Variants in GHR observed in about 807,000 individuals in gnomAD.
GHR encodes GH receptor.
Under a neutral mutation model 67.1 loss-of-function variants are expected in GHR, and 35 were observed. That is an observed-to-expected ratio of 0.52 (90% CI 0.40 to 0.69). GHR has a LOEUF of 0.69. GHR is among the 30% of genes least tolerant of loss of function. The probability of loss-of-function intolerance (pLI) is 0.00; values close to 1 mark genes in which losing one functional copy is unlikely to be tolerated. For missense variants in GHR, 792 were observed against 764.6 expected, an observed-to-expected ratio of 1.04 and a Z score of -0.42; for synonymous variants, 272 against 269.1, an observed-to-expected ratio of 1.01 and a Z score of -0.10.
chr5:42,675,235 A>G (rs1421305046), intron 3 of GHR, among the ~76,000 whole-genome samples: 1 of 152,196 alleles, frequency 6.6e-6, no homozygotes, highest in Non-Finnish European at 1.5e-5. Flanking sequence ...GTAGTAAGTT[A>G]TAGGTCTTTG....
Position 42,455,915 on chromosome 5 carries a change from A to C in GHR, c.-12+31960A>C, listed in dbSNP as rs138847773. Reference sequence around the variant, plus strand: ...TCTCCCGCTGGCTATAGGTTGCTTTAATCTCTGAGCTGCAGTTTCCTCATC... The same window carrying C: ...TCTCCCGCTGGCTATAGGTTGCTTTCATCTCTGAGCTGCAGTTTCCTCATC... On this transcript the variant is annotated intron_variant, in intron 1 of 9. Transcript: ENST00000230882. Among the ~76,000 whole-genome samples the C allele has an allele frequency of 1.9e-3, 290 of 152,352 alleles. 1 individual carries two copies. Among genetic ancestry groups the C allele is most frequent in the African/African-American group, 6.3e-3 (262 of 41,584 alleles).
At chr5:42,534,428 A>G (rs1748154658) in intron 1 of GHR, among the ~76,000 whole-genome samples, 1 of 146,104 alleles carries the variant, frequency 6.8e-6, no homozygotes. Context: ...GTATGTATAT[A>G]TGTACATGTG....
chr5:42,466,822 G>C, intron 1 of GHR: 1 of 1,138,234 alleles, frequency 8.8e-7, no homozygotes, highest in Admixed American at 2.7e-5. Flanking sequence ...AAACAGCAAA[G>C]AGGTGTCTCA....
rs1212855377 is a variant in GHR, at chr5:42,487,466, T to G, written c.-12+63511T>G. On this transcript the variant is annotated intron_variant, in intron 1 of 9. Transcript: ENST00000230882. ...CCAAATTTGCTAATAAAGATTATAC[T>G]TAGCTGTCACTCCACGTTTCATCAG... Among the ~76,000 whole-genome samples the G allele has an allele frequency of 2.6e-5, 4 of 152,204 alleles. No individual in the cohort carries two copies. In the East Asian group the frequency reaches 7.7e-4, roughly 29 times the overall value.
At chr5:42,659,814 A>C (rs1755474148) in intron 3 of GHR, among the ~76,000 whole-genome samples, 1 of 152,076 alleles carries the variant, frequency 6.6e-6, no homozygotes, top group Non-Finnish European at 1.5e-5. Flanking sequence ...GCATTGCCTC[A>C]CTCAGGAAGC....
At chr5:42,592,200 G>T (rs147748917) in intron 2 of GHR, among the ~76,000 whole-genome samples, 1 of 152,160 alleles carries the variant, frequency 6.6e-6, no homozygotes, top group Non-Finnish European at 1.5e-5. Flanking sequence ...TGCCGAGCAG[G>T]TGCTTGCAAG....
At chr5:42,473,888 A>G (rs1368066071) in intron 1 of GHR, among the ~76,000 whole-genome samples, 2 of 150,598 alleles carry the variant, frequency 1.3e-5, no homozygotes, top group Admixed American at 1.3e-4. Context: ...AAAAAAAAAA[A>G]AAGAAAAGTG....
chr5:42,676,453 A>G (rs894007724), intron 3 of GHR, among the ~76,000 whole-genome samples: 25 of 152,162 alleles, frequency 1.6e-4, no homozygotes, highest in African/African-American at 6.0e-4. Context: ...TATGTTCAGT[A>G]TTGTCCAAAA....
intron 3 of GHR, among the ~76,000 whole-genome samples, chr5:42,681,472 G>A (rs924250724): frequency 4.1e-4 from 62 of 152,190 alleles, no homozygotes; most frequent in Admixed American, 2.0e-4. Context: ...ATGCTGGAGA[G>A]GATGTGGAGA....
Position 42,699,958 on chromosome 5 carries a change from T to C in GHR, c.574T>C (p.Tyr192His), listed in dbSNP as rs1208710678. The C allele has an allele frequency of 1.2e-6, 2 of 1,603,016 alleles. No homozygotes were observed. The highest frequency in any genetic ancestry group is 3.3e-5 in the Admixed American group (2 of 59,860). Reference sequence around the variant, plus strand: ...TCAGAAAGGATGGATGGTTCTGGAGTATGAACTTCAATACAAAGAAGTAAA... The same window carrying C: ...TCAGAAAGGATGGATGGTTCTGGAGCATGAACTTCAATACAAAGAAGTAAA... ...DIQKGWMVLE[Y>H]ELQYKEVNET... The change falls in exon 6 of 10, where the codon TAT (tyrosine) becomes CAT (histidine). Residue 192 changes from tyrosine (Y) to histidine (H), a missense_variant. Tyr to His is a moderately conservative substitution (Grantham distance 83). Transcript: ENST00000230882.
chr5:42,519,946 A>T (rs1579859858), intron 1 of GHR, among the ~76,000 whole-genome samples: 1 of 152,366 alleles, frequency 6.6e-6, no homozygotes, highest in South Asian at 2.1e-4. Flanking sequence ...GCATGCATGT[A>T]TTCAGTGAGT....
intron 3 of GHR, among the ~76,000 whole-genome samples, chr5:42,678,898 A>G (rs1021613008): frequency 4.1e-4 from 62 of 150,816 alleles, no homozygotes; most frequent in African/African-American, 1.5e-3. Flanking sequence ...TATCTATCAT[A>G]TAAATAAGTA....
At chr5:42,505,860 A>C (rs995840060) in intron 1 of GHR, among the ~76,000 whole-genome samples, 2 of 152,178 alleles carry the variant, frequency 1.3e-5, no homozygotes, top group Non-Finnish European at 2.9e-5. Flanking sequence ...TGATTCTACA[A>C]TTATTTAGTT....
chr5:42,716,347 C>T (rs1189347716), intron 8 of GHR, among the ~76,000 whole-genome samples: 3 of 152,128 alleles, frequency 2.0e-5, no homozygotes, highest in African/African-American at 7.2e-5. Context: ...CCCTGGGAGT[C>T]ATAAGGATTA....
At position 42,721,837 on chromosome 5, in the gene GHR, T is replaced by C. The variant is rs1383833074; in HGVS notation, c.*2413T>C. On this transcript the variant is annotated 3_prime_UTR_variant, in exon 10 of 10. Transcript: ENST00000230882. ...TTATTTTCTTGGATTCCTGATAGTG[T>C]GCTTCTGTTATCAAACACCAACATA... 1 of 152,438 alleles carries C rather than the reference T, an allele frequency of 6.6e-6. No individual in the cohort carries two copies. Among genetic ancestry groups the C allele is most frequent in the Non-Finnish European group, 1.5e-5 (1 of 68,038 alleles). 9.4% of individuals were successfully genotyped at this position (152,438 alleles called of 1,614,324 possible). A position where few individuals can be genotyped will look rare whatever the true frequency, so the allele number is the denominator to read the frequency against.
At chr5:42,692,180 C>T (rs180774293) in intron 4 of GHR, among the ~76,000 whole-genome samples, 128 of 152,082 alleles carry the variant, frequency 8.4e-4, no homozygotes, top group African/African-American at 3.0e-3. Flanking sequence ...AAGCCAAAAA[C>T]GTGCGCTTTC....
At position 42,719,132 on chromosome 5, in the gene GHR, A is replaced by C. The variant is rs1460667649; in HGVS notation, c.1625A>C (p.Lys542Thr). ...NAYFCEADAKKCIPVAPHIKV... is the reference protein window; with the variant it reads ...NAYFCEADAKTCIPVAPHIKV... Reference sequence around the variant, plus strand: ...TACTTCTGTGAGGCAGATGCCAAAAAGTGCATCCCTGTGGCTCCTCACATC... The same window carrying C: ...TACTTCTGTGAGGCAGATGCCAAAACGTGCATCCCTGTGGCTCCTCACATC... The change falls in exon 10 of 10, where the codon AAG (lysine) becomes ACG (threonine). Residue 542 changes from lysine to threonine, a missense_variant. Physicochemically the swap from Lys to Thr is moderately conservative, Grantham distance 78. Transcript: ENST00000230882. The C allele has an allele frequency of 6.2e-7, 1 of 1,614,154 alleles. No homozygotes were observed. Among genetic ancestry groups the C allele is most frequent in the African/African-American group, 1.3e-5 (1 of 75,062 alleles).
At chr5:42,539,984 GCTCT>G (rs1427976782) in intron 1 of GHR, among the ~76,000 whole-genome samples, 3 of 152,130 alleles carry the variant, frequency 2.0e-5, no homozygotes, top group African/African-American at 2.4e-5. Flanking sequence ...TAAGAAAACT[GCTCT>G]CTATTTCTAG....
At chr5:42,715,053 A>G (rs975635495) in intron 8 of GHR, 43 of 375,424 alleles carry the variant, frequency 1.1e-4, no homozygotes, top group Non-Finnish European at 1.5e-4. Flanking sequence ...TTCCAAGAAA[A>G]CATATTACTT....
Sources: allele counts gnomAD v4.1 joint callset (sites outside exome capture counted in the v4.1 genomes callset), GRCh38; gene constraint gnomAD v4.1.1; transcripts MANE v1.5; gene names NCBI Gene and HGNC (gene_info 2026-07-23, HGNC 2026-07-21).